NAA20: variants seen among roughly 807,000 people sequenced by gnomAD.
NAA20 encodes N-alpha-acetyltransferase 20, NatB catalytic subunit.
A neutral mutation model predicts 23.8 loss-of-function variants in NAA20; 24 were observed. That is an observed-to-expected ratio of 1.01 (90% CI 0.73 to 1.42). NAA20 has a LOEUF of 1.42. NAA20 is among the 40% of genes most tolerant of loss of function. The pLI, the probability that NAA20 is intolerant of heterozygous loss-of-function variation, is 0.00. For missense variants in NAA20, 166 were observed against 223.1 expected (o/e 0.74, Z 1.63); for synonymous variants, 83 against 77.7 (o/e 1.07, Z -0.36).
chr20:20,023,785 A>G (rs992329756), intron 2 of NAA20, among the ~76,000 whole-genome samples: 4 of 152,268 alleles, frequency 2.6e-5, no homozygotes, highest in Non-Finnish European at 5.9e-5. Context: ...GTATCAGCCA[A>G]GATTTTAAAA....
chr20:20,025,423 G>C (rs951982475), intron 2 of NAA20, among the ~76,000 whole-genome samples: 3 of 152,090 alleles, frequency 2.0e-5, no homozygotes, highest in Non-Finnish European at 4.4e-5. Flanking sequence ...GTAGAACTTT[G>C]GGGTCCTGAT....
chr20:20,026,700 A>G lies in NAA20; in HGVS notation c.170-84A>G, dbSNP rs1357097501. The G allele has an allele frequency of 3.2e-6, 5 of 1,547,454 alleles. No individual in the cohort carries two copies. In the African/African-American group the frequency reaches 6.9e-5, roughly 21 times the overall value. ...AACTTCTTTATTAGTTTCCTTTGTA[A>G]TAAAAACATACTGAACAGTAATTCT... On this transcript the variant is annotated intron_variant, in intron 3 of 5. Transcript: ENST00000334982.
intron 1 of NAA20, among the ~76,000 whole-genome samples, chr20:20,019,921 G>C (rs1414329091): frequency 6.6e-6 from 1 of 152,028 alleles, no homozygotes; most frequent in Admixed American, 6.5e-5. Context: ...CTTTGATTAG[G>C]GCATTTTGGT....
At chr20:20,023,712 G>A (rs1201453548) in intron 2 of NAA20, among the ~76,000 whole-genome samples, 2 of 152,198 alleles carry the variant, frequency 1.3e-5, no homozygotes, top group Non-Finnish European at 2.9e-5. Flanking sequence ...AACGTGTTAA[G>A]AGTTCAGTCT....
chr20:20,023,805 C>A (rs1026321960), intron 2 of NAA20, among the ~76,000 whole-genome samples: 1 of 152,180 alleles, frequency 6.6e-6, no homozygotes, highest in Non-Finnish European at 1.5e-5. Flanking sequence ...AAATGATAAA[C>A]CTCAGTGCTG....
At chr20:20,027,554 T>C (rs761586106) in intron 4 of NAA20, among the ~76,000 whole-genome samples, 3 of 152,160 alleles carry the variant, frequency 2.0e-5, no homozygotes, top group East Asian at 1.9e-4. Flanking sequence ...CTCAGCTTCA[T>C]AGAAATATTA....
chr20:20,025,389 G>T (rs375856313), intron 2 of NAA20, among the ~76,000 whole-genome samples: 16 of 152,324 alleles, frequency 1.1e-4, no homozygotes, highest in East Asian at 3.9e-4. Context: ...CTTAGATATG[G>T]TATGGTCAGT....
intron 1 of NAA20, chr20:20,017,725 G>T: frequency 1.7e-5 from 25 of 1,430,372 alleles, no homozygotes; most frequent in Non-Finnish European, 2.3e-5. Context: ...CTGGGGCAGC[G>T]CTCGGGCCTC....
In NAA20 at chr20:20,032,532, C is replaced by T; in HGVS notation, c.330C>T (p.Leu110=). The change falls in exon 5 of 6, where the codon CTC becomes CTT. Residue 110 remains leucine, a synonymous_variant. Transcript: ENST00000334982. ...GAAAGGGTGGATTTTTTGTGGATCTCTTTGTAAGAGTATCTAACCAAGTTG... is the reference window on the plus strand; with the variant it reads ...GAAAGGGTGGATTTTTTGTGGATCTTTTTGTAAGAGTATCTAACCAAGTTG... ...SERKGGFFVD[L]FVRVSNQVAV... 1 of 1,612,414 alleles carries T rather than the reference C, an allele frequency of 6.2e-7. No homozygotes were observed. The highest frequency in any genetic ancestry group is 8.5e-7 in the Non-Finnish European group (1 of 1,179,280).
At chr20:20,026,961 C>A (rs1482960763) in intron 4 of NAA20, 42 bp downstream of exon 4, 75 of 1,611,866 alleles carry the variant, frequency 4.7e-5, no homozygotes, top group Non-Finnish European at 6.2e-5. Flanking sequence ...ATTTGTGGAC[C>A]CCTAACCATT....
chr20:20,026,504 T>C (rs1253466821), intron 3 of NAA20, among the ~76,000 whole-genome samples: 5 of 138,936 alleles, frequency 3.6e-5, no homozygotes, highest in Admixed American at 2.2e-4. Context: ...AAAAAATACA[T>C]ACTCTGGTTT....
At chr20:20,022,001 G>A (rs1212134329) in intron 1 of NAA20, among the ~76,000 whole-genome samples, 3 of 152,098 alleles carry the variant, frequency 2.0e-5, no homozygotes, top group Non-Finnish European at 2.9e-5. Context: ...AGCAAAAACC[G>A]AGTGGTGGGA....
chr20:20,022,350 C>T, intron 1 of NAA20, 106 bp from the exon 2 acceptor site: 1 of 1,143,678 alleles, frequency 8.7e-7, no homozygotes, highest in East Asian at 2.5e-5. Context: ...GTTGATGAAA[C>T]ATGTTTTGTT....
chr20:20,028,990 C>T (rs972192678), intron 4 of NAA20, among the ~76,000 whole-genome samples: 1 of 151,986 alleles, frequency 6.6e-6, no homozygotes, highest in African/African-American at 2.4e-5. Context: ...AGTGCAGTGG[C>T]GTGATCTCAG....
intron 1 of NAA20, 114 bp downstream of exon 1, chr20:20,017,563 C>A: frequency 7.2e-7 from 1 of 1,390,170 alleles, no homozygotes; most frequent in Non-Finnish European, 9.5e-7. Context: ...GGACGGGGAC[C>A]CGCGAGAACC....
At chr20:20,021,042 G>T (rs866881702) in intron 1 of NAA20, among the ~76,000 whole-genome samples, 2,303 of 114,842 alleles carry the variant, frequency 0.02, 107 homozygotes, top group African/African-American at 0.077. Flanking sequence ...GGTGGGCGGG[G>T]GGGGGGGGGG....
chr20:20,029,616 CAA>C (rs59199004), intron 4 of NAA20, among the ~76,000 whole-genome samples: 13,516 of 125,332 alleles, frequency 0.11, 710 homozygotes, highest in African/African-American at 0.16. Flanking sequence ...GACTCCATCT[CAA>C]AAAAAAAAAA....
chr20:20,020,622 G>A (rs919892739), intron 1 of NAA20, among the ~76,000 whole-genome samples: 2 of 152,202 alleles, frequency 1.3e-5, no homozygotes, highest in Admixed American at 6.5e-5. Flanking sequence ...GGGCATGGGC[G>A]TCTCAAGATT....
chr20:20,025,350 C>T (rs2043299949), intron 2 of NAA20, among the ~76,000 whole-genome samples: 1 of 150,566 alleles, frequency 6.6e-6, no homozygotes. Context: ...AGACCGCAAA[C>T]AAACAATATC....
Sources: allele counts gnomAD v4.1 joint callset (sites outside exome capture counted in the v4.1 genomes callset), GRCh38; gene constraint gnomAD v4.1.1; transcripts MANE v1.5; gene names NCBI Gene and HGNC (gene_info 2026-07-23, HGNC 2026-07-21).